Variants in TYW1 observed in about 807,000 individuals in gnomAD.
TYW1 encodes tRNA-yW synthesizing protein 1 homolog, also known as S-adenosyl-L-methionine-dependent tRNA 4-demethylwyosine synthase TYW1.
TYW1 carries 46 observed loss-of-function variants against 96.2 expected under a neutral mutation model. The observed-to-expected ratio is 0.48, with a 90% confidence interval of 0.38 to 0.61. The LOEUF (loss-of-function observed/expected upper bound fraction) is 0.61. TYW1 is among the 20% of genes least tolerant of loss of function. The pLI, the probability that TYW1 is intolerant of heterozygous loss-of-function variation, is 0.00. For missense variants in TYW1, 684 were observed against 909.6 expected, an observed-to-expected ratio of 0.75 and a Z score of 3.19; for synonymous variants, 274 against 323.0, an observed-to-expected ratio of 0.85 and a Z score of 1.63.
At position 67,167,468 on chromosome 7, in the gene TYW1, C is replaced by CAAA. The variant is rs869281504; in HGVS notation, c.1699-15634_1699-15632dup. Among the ~76,000 whole-genome samples the CAAA allele has an allele frequency of 9.1e-3, 717 of 78,778 alleles. 60 individuals carry two copies. Among genetic ancestry groups the CAAA allele is most frequent in the African/African-American group, 0.034 (681 of 20,078 alleles). 51.7% of individuals were successfully genotyped at this position (78,778 alleles called of 152,430 possible). ...TGGGCGACAGAGAGAGACTCTGTCT[C>CAAA]AAAAAAAAAAAAAAAAAAAAAAAAA... On this transcript the variant is annotated intron_variant, in intron 13 of 15. Coordinates refer to ENST00000359626, the MANE Select transcript of TYW1 (RefSeq NM_018264.4).
chr7:67,062,577 A>AAAAAAAAAAAAAAAAAAAAAG (rs773963932), intron 9 of TYW1, among the ~76,000 whole-genome samples: 11 of 147,104 alleles, frequency 7.5e-5, no homozygotes, highest in Admixed American at 2.8e-4. Flanking sequence ...AAAAAAAAAA[A>AAAAAAAAAAAAAAAAAAAAAG]AAAAGAAAAG....
Position 67,083,428 on chromosome 7 carries a change from A to G in TYW1, c.1275-2A>G. 2 of 1,614,056 alleles carry G rather than the reference A, an allele frequency of 1.2e-6. No homozygotes were observed. Among genetic ancestry groups the G allele is most frequent in the South Asian group, 2.2e-5 (2 of 91,082 alleles). On this transcript the variant is annotated splice_acceptor_variant, in intron 10 of 15. Coordinates refer to ENST00000359626, the MANE Select transcript of TYW1 (RefSeq NM_018264.4). LOFTEE classifies it high-confidence loss of function. ...TTTTAGAACTTTGCATCTTGTTCCT[A>G]GGCACCACACCAACCCCGTGGGCAC...
intron 13 of TYW1, among the ~76,000 whole-genome samples, chr7:67,128,440 TACTTTATCC>T (rs555709420): frequency 3.0e-4 from 45 of 152,308 alleles, no homozygotes; most frequent in East Asian, 2.3e-3. Flanking sequence ...GTGTGCTGTG[TACTTTATCC>T]ACTGGAGCCC....
At chr7:67,059,392 C>T (rs569051935) in intron 9 of TYW1, among the ~76,000 whole-genome samples, 1 of 151,644 alleles carries the variant, frequency 6.6e-6, no homozygotes, top group African/African-American at 2.4e-5. Flanking sequence ...CGTGAGCCAC[C>T]GTGCCTGGCC....
intron 14 of TYW1, among the ~76,000 whole-genome samples, chr7:67,187,568 T>C (rs1287902702): frequency 6.6e-6 from 1 of 151,578 alleles, no homozygotes; most frequent in East Asian, 1.9e-4. Context: ...GTTAATGAGA[T>C]TCTTCCTTTG....
At chr7:67,095,700 AGC>A in intron 11 of TYW1, among the ~76,000 whole-genome samples, 2 of 128,074 alleles carry the variant, frequency 1.6e-5, no homozygotes, top group East Asian at 2.0e-4. Flanking sequence ...CAACAACAAC[AGC>A]AGCAGCAGCA....
At chr7:67,004,375 C>T (rs1284915933) in intron 3 of TYW1, among the ~76,000 whole-genome samples, 1 of 151,962 alleles carries the variant, frequency 6.6e-6, no homozygotes, top group Non-Finnish European at 1.5e-5. Flanking sequence ...TTCTTGCTGT[C>T]TTAGTTCCCA....
chr7:67,193,540 A>T (rs151197954), intron 14 of TYW1, among the ~76,000 whole-genome samples: 1 of 152,216 alleles, frequency 6.6e-6, no homozygotes, highest in East Asian at 1.9e-4. Context: ...GGGCAGATCA[A>T]TTGAGGTCAG....
At chr7:66,999,477 C>T (rs1244116310) in intron 3 of TYW1, among the ~76,000 whole-genome samples, 5 of 152,138 alleles carry the variant, frequency 3.3e-5, no homozygotes, top group African/African-American at 4.8e-5. Flanking sequence ...CTCAGCCTCC[C>T]GAGTAGCTGG....
At chr7:67,139,949 G>A (rs1243241823) in intron 13 of TYW1, among the ~76,000 whole-genome samples, 6 of 152,118 alleles carry the variant, frequency 3.9e-5, no homozygotes, top group African/African-American at 1.2e-4. Context: ...AGACACACCC[G>A]AGACTGAGCA....
chr7:67,213,400 A>G (rs1801104191), intron 15 of TYW1, among the ~76,000 whole-genome samples: 1 of 152,104 alleles, frequency 6.6e-6, no homozygotes, highest in Non-Finnish European at 1.5e-5. Flanking sequence ...CTTATGGCTG[A>G]GTTTAAGAGT....
At chr7:67,005,096 A>G (rs889725915) in intron 3 of TYW1, among the ~76,000 whole-genome samples, 9 of 151,976 alleles carry the variant, frequency 5.9e-5, no homozygotes, top group Admixed American at 3.3e-4. Flanking sequence ...ATAGGCCCCA[A>G]TCTCTTCTGG....
At chr7:67,151,525 T>C (rs1447479442) in intron 13 of TYW1, among the ~76,000 whole-genome samples, 1 of 152,116 alleles carries the variant, frequency 6.6e-6, no homozygotes, top group Non-Finnish European at 1.5e-5. Context: ...TTAGGAGTGA[T>C]TCAGAATTCT....
chr7:67,003,547 T>G (rs1454867409), intron 3 of TYW1, among the ~76,000 whole-genome samples: 2 of 150,784 alleles, frequency 1.3e-5, no homozygotes, highest in East Asian at 3.9e-4. Flanking sequence ...AAGGCAAAGA[T>G]TTGTAAGGGA....
intron 6 of TYW1, among the ~76,000 whole-genome samples, chr7:67,018,364 C>T (rs1399417937): frequency 6.6e-6 from 1 of 151,820 alleles, no homozygotes; most frequent in Non-Finnish European, 1.5e-5. Context: ...CATAGCAAGA[C>T]CCTATCTTTA....
At chr7:67,136,492 A>G (rs753530460) in intron 13 of TYW1, among the ~76,000 whole-genome samples, 1 of 151,160 alleles carries the variant, frequency 6.6e-6, no homozygotes, top group African/African-American at 2.4e-5. Context: ...TTTTTTTCAC[A>G]TGAGAAGAAA....
At chr7:67,039,158 A>G (rs1794935568) in intron 7 of TYW1, among the ~76,000 whole-genome samples, 1 of 151,972 alleles carries the variant, frequency 6.6e-6, no homozygotes, top group African/African-American at 2.4e-5. Flanking sequence ...AAGAGGAGCT[A>G]TTAAGAATGA....
chr7:67,201,350 G>A (rs1169662293), intron 15 of TYW1, among the ~76,000 whole-genome samples: 1 of 134,344 alleles, frequency 7.4e-6, no homozygotes, highest in Non-Finnish European at 1.6e-5. Flanking sequence ...CAACAAACCT[G>A]TTATAACCCT....
chr7:67,022,775 T>A (rs529629912), intron 6 of TYW1, among the ~76,000 whole-genome samples: 1 of 152,300 alleles, frequency 6.6e-6, no homozygotes, highest in East Asian at 1.9e-4. Flanking sequence ...CACTTATTTC[T>A]GGGAACAATT....
Sources: allele counts gnomAD v4.1 joint callset (sites outside exome capture counted in the v4.1 genomes callset), GRCh38; gene constraint gnomAD v4.1.1; transcripts MANE v1.5; gene names NCBI Gene and HGNC (gene_info 2026-07-23, HGNC 2026-07-21).